The following LONRF2 variants were observed in gnomAD, a reference collection of about 807,000 sequenced individuals.
LONRF2 encodes the protein LON peptidase N-terminal domain and RING finger protein 2.
A neutral mutation model predicts 66.6 loss-of-function variants in LONRF2; 35 were observed. The observed-to-expected ratio is 0.53, with a 90% CI of 0.40 to 0.70. The LOEUF (loss-of-function observed/expected upper bound fraction) is 0.70. LONRF2 is among the 30% of genes least tolerant of loss of function. LONRF2 has a pLI of 0.00. For synonymous variants in LONRF2, 417 were observed against 418.1 expected (o/e 1.00, Z 0.03); for missense variants, 902 against 1,002.1 (o/e 0.90, Z 1.35).
At chr2:100,320,353 G>A (rs368031540) in intron 1 of LONRF2, among the ~76,000 whole-genome samples, 3 of 152,136 alleles carry the variant, frequency 2.0e-5, no homozygotes, top group Non-Finnish European at 2.9e-5. Context: ...CAGAATACTC[G>A]TTAGAAAAGC....
intron 1 of LONRF2, among the ~76,000 whole-genome samples, chr2:100,317,180 C>T (rs1209133461): frequency 6.6e-6 from 1 of 152,120 alleles, no homozygotes; most frequent in Non-Finnish European, 1.5e-5. Flanking sequence ...AATTAAATCC[C>T]CATTTTTCTA....
rs74177695 is a variant in LONRF2 at position 100,321,866 on chromosome 2, T to G, written c.228A>C (p.Glu76Asp). Residue 76 changes from glutamate to aspartate, a missense_variant, in exon 1 of 12, where the codon GAA becomes GAC. Glu to Asp is a conservative substitution (Grantham distance 45, BLOSUM62 2). Around this residue, in one of 2 missense-constraint regions of LONRF2, gnomAD observed 585 missense variants for 569.9 expected, o/e 1.03. Coordinates refer to ENST00000393437, the MANE Select transcript of LONRF2 (RefSeq NM_198461.4). ...DALARAGRLPEALGAFRGAAR... is the reference protein window; with the variant it reads ...DALARAGRLPDALGAFRGAAR... ...CGGCGCCGCGGAACGCGCCCAGGGC[T>G]TCGGGGAGGCGGCCGGCGCGGGCCA... The G allele has an allele frequency of 8.3e-7, 1 of 1,198,970 alleles. No individual in the cohort carries two copies. Among genetic ancestry groups the G allele is most frequent in the South Asian group, 3.8e-5 (1 of 26,550 alleles). The allele number at this position is 1,198,970 out of a possible 1,614,324, so 74.3% of individuals were successfully genotyped here. A position where few individuals can be genotyped will look rare whatever the true frequency, so the allele number is the denominator to read the frequency against.
At chr2:100,300,848 T>C (rs1367094530) in intron 3 of LONRF2, 61 bp from the exon 4 acceptor site, 3 of 1,344,296 alleles carry the variant, frequency 2.2e-6, no homozygotes, top group South Asian at 3.4e-5. Flanking sequence ...AAAAATATAG[T>C]ATGTCTTATA....
At position 100,283,132 on chromosome 2, in the gene LONRF2, A is replaced by G. The variant is rs1354995800; in HGVS notation, c.*1166T>C. On this transcript the variant is annotated 3_prime_UTR_variant, in exon 12 of 12. Transcript: ENST00000393437. Reference sequence around the variant, plus strand: ...CTCAGATTCAGTTATTCCAATCAATATCACCAACGTGCATTACAGGATGGA... The same window carrying G: ...CTCAGATTCAGTTATTCCAATCAATGTCACCAACGTGCATTACAGGATGGA... 6.6e-6 allele frequency: 1 copy of G among 152,182 alleles called. No homozygotes were observed. The highest frequency in any genetic ancestry group is 2.4e-5 in the African/African-American group (1 of 41,448). The allele number at this position is 152,182 out of a possible 1,614,324, so 9.4% of individuals were successfully genotyped here.
intron 10 of LONRF2, among the ~76,000 whole-genome samples, chr2:100,287,726 G>T (rs1022417939): frequency 9.2e-5 from 14 of 152,058 alleles, no homozygotes; most frequent in Admixed American, 8.5e-4. Context: ...TTTAAATTAC[G>T]CCTCAGTCCT....
chr2:100,280,976 T>C lies in LONRF2; in HGVS notation c.*3322A>G, dbSNP rs928078262. 3 of 152,232 alleles carry C rather than the reference T, an allele frequency of 2.0e-5. No homozygotes were observed. Among genetic ancestry groups the C allele is most frequent in the Admixed American group, 6.5e-5 (1 of 15,286 alleles). The allele number at this position is 152,232 out of a possible 1,614,324, so 9.4% of individuals were successfully genotyped here. On this transcript the variant is annotated 3_prime_UTR_variant, in exon 12 of 12. Coordinates refer to ENST00000393437, the MANE Select transcript of LONRF2 (RefSeq NM_198461.4). ...ACAGTATTCAAATTTTGAAGAGTGG[T>C]ATTTACCCAAGTAATTTAAGTGGTG...
rs1674605575 is a variant in LONRF2, at chr2:100,276,571, C to A, written c.*7727G>T. ...TGAGGTATTCAAGGATTAAAACTTA[C>A]TAATTAATAAAGGGGTGATTATACC... On this transcript the variant is annotated 3_prime_UTR_variant, in exon 12 of 12. Transcript: ENST00000393437. 1 of 152,112 alleles carries A rather than the reference C, an allele frequency of 6.6e-6. No individual in the cohort carries two copies. The allele number at this position is 152,112 out of a possible 1,614,324, so 9.4% of individuals were successfully genotyped here. A position where few individuals can be genotyped will look rare whatever the true frequency, so the allele number is the denominator to read the frequency against.
In LONRF2 at chr2:100,280,402, T is replaced by A. The variant is rs1218066376; in HGVS notation, c.*3896A>T. On this transcript the variant is annotated 3_prime_UTR_variant, in exon 12 of 12. Transcript: ENST00000393437. ...AATTAGTTTTTGGTGAACAATAGAA[T>A]CAGAATGTGGCCTTTGGGAAGGACG... is the stretch of plus-strand genomic sequence containing the variant. 1 of 152,044 alleles carries A rather than the reference T, an allele frequency of 6.6e-6. No homozygotes were observed. Among genetic ancestry groups the A allele is most frequent in the Non-Finnish European group, 1.5e-5 (1 of 68,038 alleles). The allele number at this position is 152,044 out of a possible 1,614,324, so 9.4% of individuals were successfully genotyped here.
chr2:100,294,447 C>A, intron 8 of LONRF2, 60 bp from the exon 9 acceptor site: 1 of 1,453,172 alleles, frequency 6.9e-7, no homozygotes, highest in Non-Finnish European at 9.1e-7. Context: ...GAGGGTGGTA[C>A]TGGCCACCAA....
chr2:100,289,940 C>A (rs796976291), intron 10 of LONRF2, among the ~76,000 whole-genome samples: 4 of 152,000 alleles, frequency 2.6e-5, no homozygotes, highest in African/African-American at 9.7e-5. Flanking sequence ...TCTGTTTCAA[C>A]GACAAACAAA....
At chr2:100,318,463 C>T (rs1675553328) in intron 1 of LONRF2, among the ~76,000 whole-genome samples, 1 of 152,174 alleles carries the variant, frequency 6.6e-6, no homozygotes. Flanking sequence ...GCAATCCTAC[C>T]TTGCCTGGGG....
intron 10 of LONRF2, among the ~76,000 whole-genome samples, chr2:100,288,796 C>G (rs1301554120): frequency 6.6e-6 from 1 of 152,172 alleles, no homozygotes; most frequent in Non-Finnish European, 1.5e-5. Context: ...TTGTTTCATG[C>G]ACGAGTGGTT....
intron 2 of LONRF2, among the ~76,000 whole-genome samples, chr2:100,303,772 G>A (rs1311776370): frequency 1.3e-5 from 2 of 152,044 alleles, no homozygotes; most frequent in East Asian, 1.9e-4. Flanking sequence ...TTGGTTTACA[G>A]CCTAGCCATT....
intron 1 of LONRF2, among the ~76,000 whole-genome samples, chr2:100,315,904 C>CACT (rs530941645): frequency 2.2e-3 from 332 of 152,254 alleles, no homozygotes; most frequent in Middle Eastern, 0.01. Context: ...GCCTAAAGAT[C>CACT]ACTGACTATC....
intron 7 of LONRF2, 23 bp from the exon 8 acceptor site, chr2:100,295,576 G>A: frequency 6.2e-7 from 1 of 1,607,610 alleles, no homozygotes; most frequent in Non-Finnish European, 8.5e-7. Flanking sequence ...AAAGTCAAAT[G>A]ATACTGTATG....
intron 1 of LONRF2, among the ~76,000 whole-genome samples, chr2:100,315,361 T>C (rs1192453804): frequency 6.6e-6 from 1 of 152,202 alleles, no homozygotes; most frequent in Non-Finnish European, 1.5e-5. Flanking sequence ...TCTTCTGGAG[T>C]TTCTATGTAT....
Position 100,294,381 on chromosome 2 carries a change from G to T in LONRF2, c.1605C>A (p.Thr535=). 1 of 1,582,432 alleles carries T rather than the reference G, an allele frequency of 6.3e-7. No individual in the cohort carries two copies. The part of the protein sequence containing the change: ...DEEMSELSNL[T]RDVPIFVCAM... ...CACACACAAAGATGGGGACGTCTCT[G>T]GTCAGACTGCAGAGCAAGGGGACAT... is the stretch of plus-strand genomic sequence containing the variant. The change falls in exon 9 of 12, where the codon ACC becomes ACA. Residue 535 remains threonine (T), a synonymous_variant. Transcript: ENST00000393437.
At position 100,306,943 on chromosome 2, in the gene LONRF2, T is replaced by C. The variant is rs1443304848; in HGVS notation, c.798+2164A>G. Among the ~76,000 whole-genome samples the C allele has an allele frequency of 4.2e-5, 6 of 142,204 alleles. No individual in the cohort carries two copies. The Admixed American group carries it at 4.3e-4, about 10-fold the overall frequency. 93.3% of individuals were successfully genotyped at this position (142,204 alleles called of 152,430 possible). A position where few individuals can be genotyped will look rare whatever the true frequency, so the allele number is the denominator to read the frequency against. On this transcript the variant is annotated intron_variant, in intron 2 of 11. Transcript: ENST00000393437. ...TCTCGCTCTTTTTTTTTTTTTGAGGTGGAGTCTCGCTCTGTTGCCCAGGCT... is the reference window on the plus strand; with the variant it reads ...TCTCGCTCTTTTTTTTTTTTTGAGGCGGAGTCTCGCTCTGTTGCCCAGGCT...
Position 100,307,195 on chromosome 2 carries a change from C to T in LONRF2, c.798+1912G>A, listed in dbSNP as rs544683393. ...TCGGCCTCCGAAAGTGCTGGGATTACAGGCGTGAGCCACCGCGCCCGGCCT... is the reference window on the plus strand; with the variant it reads ...TCGGCCTCCGAAAGTGCTGGGATTATAGGCGTGAGCCACCGCGCCCGGCCT... On this transcript the variant is annotated intron_variant, in intron 2 of 11. Coordinates refer to ENST00000393437, the MANE Select transcript of LONRF2 (RefSeq NM_198461.4). Among the ~76,000 whole-genome samples the T allele has an allele frequency of 3.3e-5, 5 of 152,316 alleles. No individual in the cohort carries two copies. The South Asian group carries it at 8.3e-4, about 25-fold the overall frequency.
Sources: allele counts gnomAD v4.1 joint callset (sites outside exome capture counted in the v4.1 genomes callset), GRCh38; gene constraint gnomAD v4.1.1; regional missense constraint gnomAD v4.1.1; transcripts MANE v1.5; gene names NCBI Gene and HGNC (gene_info 2026-07-23, HGNC 2026-07-21).